The following C13orf46 variants were observed in gnomAD, a reference collection of about 807,000 sequenced individuals.
C13orf46 encodes uncharacterized protein C13orf46.
the C13orf46 span, among the ~76,000 whole-genome samples, chr13:113,945,170 G>A: frequency 6.6e-6 from 1 of 152,090 alleles, no homozygotes; most frequent in Non-Finnish European, 1.5e-5. Context: ...GGGCCGTTCC[G>A]GGTTTCATGG....
rs2052502367 is a variant in C13orf46, at chr13:113,954,195, T to A, written c.*2578A>T. On this transcript the variant is annotated 3_prime_UTR_variant, in exon 7 of 7. Transcript: ENST00000636427. ...ACCACAGGGACGGCCCCCATGTGTC[T>A]CCACGGGAATAGACAGTGCACACAG... The A allele has an allele frequency of 6.6e-6, 1 of 152,234 alleles. No homozygotes were observed. The highest frequency in any genetic ancestry group is 2.4e-5 in the African/African-American group (1 of 41,456). The allele number at this position is 152,234 out of a possible 1,614,324, so 9.4% of individuals were successfully genotyped here.
chr13:113,958,151 G>A (rs1292619823), intron 6 of C13orf46, among the ~76,000 whole-genome samples: 15,365 of 119,172 alleles, frequency 0.13, 1,034 homozygotes, highest in Middle Eastern at 0.23. Flanking sequence ...TTCATCAAGC[G>A]CACTGGGGGG....
At chr13:113,958,712 A>C (rs2052562740) in intron 6 of C13orf46, among the ~76,000 whole-genome samples, 1 of 152,228 alleles carries the variant, frequency 6.6e-6, no homozygotes, top group Non-Finnish European at 1.5e-5. Flanking sequence ...CAAACTCTTG[A>C]AAAGCTTTTT....
the C13orf46 span, among the ~76,000 whole-genome samples, chr13:113,942,441 G>A: frequency 2.0e-4 from 30 of 152,216 alleles, no homozygotes; most frequent in African/African-American, 6.8e-4. Context: ...TCTCCAGGAC[G>A]ATTATCCCCT....
At chr13:113,933,883 A>G in the C13orf46 span, among the ~76,000 whole-genome samples, 1 of 152,192 alleles carries the variant, frequency 6.6e-6, no homozygotes, top group African/African-American at 2.4e-5. Context: ...GGCACCACGC[A>G]AGTCACTGGA....
At chr13:113,964,684 T>C (rs909894740) in intron 6 of C13orf46, among the ~76,000 whole-genome samples, 2 of 152,110 alleles carry the variant, frequency 1.3e-5, no homozygotes, top group African/African-American at 4.8e-5. Context: ...GGCCTGGTTA[T>C]GGGGTGAGGT....
chr13:113,945,613 A>AAAGAAAGAAAG, the C13orf46 span, among the ~76,000 whole-genome samples: 6 of 88,832 alleles, frequency 6.8e-5, no homozygotes, highest in African/African-American at 2.4e-4. Context: ...AAGAAGAAAG[A>AAAGAAAGAAAG]AAGAAAGAAA....
chr13:113,935,873 T>TA, the C13orf46 span, among the ~76,000 whole-genome samples: 2 of 152,204 alleles, frequency 1.3e-5, no homozygotes, highest in Non-Finnish European at 2.9e-5. Flanking sequence ...TAGTGTCAGC[T>TA]AAAAAATAGC....
the C13orf46 span, among the ~76,000 whole-genome samples, chr13:113,939,288 G>C: frequency 6.6e-6 from 1 of 152,182 alleles, no homozygotes; most frequent in Non-Finnish European, 1.5e-5. Flanking sequence ...CCGGAGTGTG[G>C]AGCTGCAAGA....
chr13:113,934,059 G>A, the C13orf46 span, among the ~76,000 whole-genome samples: 3 of 152,092 alleles, frequency 2.0e-5, no homozygotes, highest in Non-Finnish European at 4.4e-5. Context: ...GGTGTGCCCC[G>A]CGGGGCCCTT....
the C13orf46 span, among the ~76,000 whole-genome samples, chr13:113,929,991 A>T: frequency 6.6e-6 from 1 of 152,242 alleles, no homozygotes; most frequent in African/African-American, 2.4e-5. Flanking sequence ...ACTTACGTGG[A>T]CAAAATGTTG....
At chr13:113,964,256 TG>T (rs1474143624) in intron 6 of C13orf46, among the ~76,000 whole-genome samples, 28 of 152,374 alleles carry the variant, frequency 1.8e-4, no homozygotes, top group Non-Finnish European at 3.7e-4. Flanking sequence ...TTTGGACAAT[TG>T]CTTTTTGTAT....
At chr13:113,926,628 T>C in the C13orf46 span, 1 of 152,156 alleles carries the variant, frequency 6.6e-6, no homozygotes, top group Admixed American at 6.5e-5. Context: ...AGTGATTACT[T>C]AATGGGGATG....
At chr13:113,965,457 C>A (rs2052626013) in intron 5 of C13orf46, among the ~76,000 whole-genome samples, 1 of 152,200 alleles carries the variant, frequency 6.6e-6, no homozygotes, top group South Asian at 2.1e-4. Flanking sequence ...AGGAACACAC[C>A]CCAGATGTTA....
the C13orf46 span, chr13:113,927,545 G>C: frequency 2.5e-6 from 1 of 398,770 alleles, no homozygotes; most frequent in Non-Finnish European, 4.4e-6. Context: ...CCAGTCCCTT[G>C]CTCCACACAC....
chr13:113,950,799 C>T (rs1240597188), downstream of C13orf46, among the ~76,000 whole-genome samples: 6 of 152,324 alleles, frequency 3.9e-5, no homozygotes, highest in South Asian at 4.1e-4. Context: ...GACTCCCTCC[C>T]GCTCCAGGGC....
chr13:113,967,566 C>A (rs1473681548), intron 4 of C13orf46, among the ~76,000 whole-genome samples, 178 bp from the exon 5 acceptor site: 1 of 152,138 alleles, frequency 6.6e-6, no homozygotes, highest in African/African-American at 2.4e-5. Context: ...GGACGCTGGG[C>A]AGAGCTGACG....
At chr13:113,942,715 G>A in the C13orf46 span, among the ~76,000 whole-genome samples, 6 of 152,328 alleles carry the variant, frequency 3.9e-5, no homozygotes, top group East Asian at 3.9e-4. Context: ...TGAGGGAGAC[G>A]GCAGGGCGCG....
rs1189489247 is a variant in C13orf46 at position 113,954,329 on chromosome 13, T to C, written c.*2444A>G. The C allele has an allele frequency of 6.6e-6, 1 of 152,312 alleles. No homozygotes were observed. Among genetic ancestry groups the C allele is most frequent in the Non-Finnish European group, 1.5e-5 (1 of 68,072 alleles). 9.4% of individuals were successfully genotyped at this position (152,312 alleles called of 1,614,324 possible). On this transcript the variant is annotated 3_prime_UTR_variant, in exon 7 of 7. Coordinates refer to ENST00000636427, the MANE Select transcript of C13orf46 (RefSeq NM_001365455.2). ...CATGTGTGGTATGTACGAGCATGTA[T>C]GTGCTGTGTACATATGAATATGCAC...
Sources: gnomAD v4.1 joint callset for allele counts (sites outside exome capture counted in the v4.1 genomes callset) on GRCh38, gnomAD v4.1.1 for gene constraint, MANE v1.5 for transcripts, NCBI Gene and HGNC (gene_info 2026-07-23, HGNC 2026-07-21) for gene names.